KMO: variants seen among roughly 807,000 people sequenced by gnomAD.
KMO encodes the protein kynurenine 3-hydroxylase.
KMO carries 24 observed loss-of-function variants against 57.8 expected under a neutral mutation model. The observed-to-expected ratio is 0.42, with a 90% CI of 0.30 to 0.58. The LOEUF (loss-of-function observed/expected upper bound fraction) is 0.58, where lower values mean the gene tolerates loss of function less well. Ranked by LOEUF, KMO falls within the 20% of genes least tolerant of loss-of-function variation. The pLI is 0.22. For synonymous variants in KMO, 210 were observed against 193.6 expected, an observed-to-expected ratio of 1.08 and a Z score of -0.70; for missense variants, 483 against 588.2, an observed-to-expected ratio of 0.82 and a Z score of 1.85.
intron 10 of KMO, among the ~76,000 whole-genome samples, chr1:241,571,291 C>G (rs912778265): frequency 5.9e-5 from 9 of 152,206 alleles, no homozygotes; most frequent in Middle Eastern, 3.4e-3. Flanking sequence ...TGTCTAAATG[C>G]TCTGGCTAGG....
intron 8 of KMO, among the ~76,000 whole-genome samples, chr1:241,565,440 G>A (rs1662036387): frequency 6.6e-6 from 1 of 151,898 alleles, no homozygotes; most frequent in African/African-American, 2.4e-5. Context: ...AGAGCATGGG[G>A]ATGGGCGCAG....
chr1:241,585,311 A>G (rs1662930436), intron 10 of KMO, among the ~76,000 whole-genome samples: 1 of 152,202 alleles, frequency 6.6e-6, no homozygotes, highest in Non-Finnish European at 1.5e-5. Flanking sequence ...GAGTAAATGA[A>G]TTAACTTAAA....
intron 1 of KMO, among the ~76,000 whole-genome samples, chr1:241,543,723 C>G (rs1283868124): frequency 6.6e-6 from 1 of 152,122 alleles, no homozygotes; most frequent in African/African-American, 2.4e-5. Flanking sequence ...TCCCATTAGG[C>G]CTCATCTTCT....
intron 6 of KMO, among the ~76,000 whole-genome samples, 195 bp downstream of exon 6, chr1:241,560,947 CTTAA>C (rs746546486): frequency 5.9e-5 from 9 of 152,192 alleles, no homozygotes; most frequent in Non-Finnish European, 1.3e-4. Context: ...GCCAATAATT[CTTAA>C]TTCTCACACT....
intron 7 of KMO, among the ~76,000 whole-genome samples, chr1:241,563,629 G>T (rs910072192): frequency 6.6e-6 from 1 of 152,148 alleles, no homozygotes; most frequent in Non-Finnish European, 1.5e-5. Context: ...TTGAAAAATT[G>T]TTCCAGACTT....
intron 2 of KMO, among the ~76,000 whole-genome samples, chr1:241,549,256 A>AGAGAGAAAGAAAGTCG (rs1661292007): frequency 8.7e-6 from 1 of 114,808 alleles, no homozygotes; most frequent in African/African-American, 3.2e-5. Flanking sequence ...AAAGAAAGAA[A>AGAGAGAAAGAAAGTCG]GAAAGAAAGA....
intron 10 of KMO, among the ~76,000 whole-genome samples, chr1:241,585,758 A>T (rs181837701): frequency 1.1e-4 from 17 of 149,016 alleles, no homozygotes; most frequent in African/African-American, 3.9e-4. Context: ...CATCTAAAAT[A>T]AAAAAAAAAG....
intron 1 of KMO, among the ~76,000 whole-genome samples, chr1:241,540,625 T>C (rs910264022): frequency 1.5e-4 from 23 of 152,262 alleles, no homozygotes; most frequent in African/African-American, 5.5e-4. Flanking sequence ...TGCATGAGAA[T>C]AGTGCATAAT....
intron 10 of KMO, among the ~76,000 whole-genome samples, chr1:241,585,246 A>T (rs61454996): frequency 1.0e-5 from 1 of 100,234 alleles, no homozygotes; most frequent in African/African-American, 3.8e-5. Context: ...ATTAATTAAT[A>T]ATTAAATTAA....
At position 241,595,508 on chromosome 1, in the gene KMO, C is replaced by A. The variant is rs149617500; in HGVS notation, c.*3355C>A. On this transcript the variant is annotated 3_prime_UTR_variant, in exon 15 of 15. Coordinates refer to ENST00000366559, the MANE Select transcript of KMO (RefSeq NM_003679.5). ...TGTTGGGGTTGCTTGTTATAGTAGT[C>A]GGTCCATCATGACCAGTAAAACATA... 2.0e-5 allele frequency: 3 copies of A among 152,144 alleles called. No homozygotes were observed. Among genetic ancestry groups the A allele is most frequent in the Admixed American group, 2.0e-4 (3 of 15,272 alleles). 9.4% of individuals were successfully genotyped at this position (152,144 alleles called of 1,614,324 possible).
At chr1:241,585,479 C>T (rs1281402628) in intron 10 of KMO, among the ~76,000 whole-genome samples, 2 of 151,758 alleles carry the variant, frequency 1.3e-5, no homozygotes, top group Admixed American at 6.6e-5. Context: ...ATCTTAAGGC[C>T]GGGCACAGTG....
chr1:241,543,526 T>A (rs12129301), intron 1 of KMO, among the ~76,000 whole-genome samples: 2,913 of 152,310 alleles, frequency 0.019, 34 homozygotes, highest in Non-Finnish European at 0.032. Context: ...TCATTCGGGC[T>A]ATTCCCCGCT....
rs1404512904 is a variant in KMO at position 241,593,601 on chromosome 1, A to AT, written c.*1450dup. The AT allele has an allele frequency of 4.4e-6, 1 of 225,136 alleles. No homozygotes were observed. Among genetic ancestry groups the AT allele is most frequent in the East Asian group, 8.5e-5 (1 of 11,760 alleles). The allele number at this position is 225,136 out of a possible 1,614,324, so 13.9% of individuals were successfully genotyped here. On this transcript the variant is annotated 3_prime_UTR_variant, in exon 15 of 15. Transcript: ENST00000366559. ...CTGGGGCCCCTATAACAAAAGACAG[A>AT]TTGACAAGAGAAAAACAAACATAAA...
intron 1 of KMO, among the ~76,000 whole-genome samples, chr1:241,537,545 G>T (rs1227675538): frequency 5.9e-5 from 9 of 152,086 alleles, no homozygotes; most frequent in Admixed American, 5.2e-4. Context: ...GGCTTGTTCT[G>T]CCCAGCATGC....
At chr1:241,544,370 C>T (rs1661068074) in intron 1 of KMO, among the ~76,000 whole-genome samples, 1 of 152,186 alleles carries the variant, frequency 6.6e-6, no homozygotes, top group Non-Finnish European at 1.5e-5. Flanking sequence ...CTCTCACGAC[C>T]TGTTGTCTTT....
At chr1:241,578,311 A>G (rs185971248) in intron 10 of KMO, among the ~76,000 whole-genome samples, 143 of 152,104 alleles carry the variant, frequency 9.4e-4, no homozygotes, top group African/African-American at 3.4e-3. Flanking sequence ...TGCAAACATG[A>G]CTCTGATGAA....
chr1:241,543,381 ATTG>A (rs1661024198), intron 1 of KMO, among the ~76,000 whole-genome samples: 1 of 151,962 alleles, frequency 6.6e-6, no homozygotes, highest in South Asian at 2.1e-4. Flanking sequence ...TTTAGTTCTG[ATTG>A]TTTTCATTTT....
At chr1:241,582,884 C>T (rs1662809440) in intron 10 of KMO, among the ~76,000 whole-genome samples, 1 of 152,096 alleles carries the variant, frequency 6.6e-6, no homozygotes, top group African/African-American at 2.4e-5. Flanking sequence ...ATTTTGTCTT[C>T]ACATTCTTGG....
At chr1:241,588,907 C>A in intron 12 of KMO, 77 bp downstream of exon 12, 1 of 1,056,842 alleles carries the variant, frequency 9.5e-7, no homozygotes, top group Non-Finnish European at 1.5e-6. Context: ...TTTTTCTTTG[C>A]TTCAGCCCCC....
Sources: gnomAD v4.1 joint callset for allele counts (sites outside exome capture counted in the v4.1 genomes callset) on GRCh38, gnomAD v4.1.1 for gene constraint, MANE v1.5 for transcripts, NCBI Gene and HGNC (gene_info 2026-07-23, HGNC 2026-07-21) for gene names.